MAPKAP1: variants seen among roughly 807,000 people sequenced by gnomAD.
MAPKAP1 encodes target of rapamycin complex 2 subunit MAPKAP1.
MAPKAP1 carries 20 observed loss-of-function variants against 65.7 expected under a neutral mutation model. The ratio of observed to expected loss-of-function variants is 0.30; its 90% CI spans 0.21 to 0.44. The LOEUF (loss-of-function observed/expected upper bound fraction) is 0.44. Ranked by LOEUF, MAPKAP1 falls within the 20% of genes least tolerant of loss-of-function variation. MAPKAP1 has a pLI of 1.00. For missense variants in MAPKAP1, 423 were observed against 648.0 expected, an observed-to-expected ratio of 0.65 and a Z score of 3.77; for synonymous variants, 222 against 244.3, an observed-to-expected ratio of 0.91 and a Z score of 0.85.
intron 4 of MAPKAP1, among the ~76,000 whole-genome samples, chr9:125,624,041 A>C (rs1412452224): frequency 4.1e-5 from 1 of 24,198 alleles, no homozygotes; most frequent in African/African-American, 7.8e-5. Flanking sequence ...TGGGGGGGTC[A>C]GCCCTCCCCC....
At chr9:125,559,860 A>T (rs1830842072) in intron 5 of MAPKAP1, 51 bp from the exon 6 acceptor site, 8 of 1,555,698 alleles carry the variant, frequency 5.1e-6, no homozygotes, top group Non-Finnish European at 6.1e-6. Flanking sequence ...GGAAGGGACA[A>T]GAAGACCAGA....
intron 5 of MAPKAP1, among the ~76,000 whole-genome samples, chr9:125,578,404 G>A (rs890709033): frequency 7.3e-5 from 11 of 150,338 alleles, no homozygotes; most frequent in South Asian, 2.1e-4. Flanking sequence ...CCCCCTCTGC[G>A]AGAAACACCC....
At chr9:125,609,469 CTTCT>C (rs1832536607) in intron 4 of MAPKAP1, among the ~76,000 whole-genome samples, 1 of 152,170 alleles carries the variant, frequency 6.6e-6, no homozygotes, top group Non-Finnish European at 1.5e-5. Context: ...ACCTGCCAAG[CTTCT>C]TTATTTATTT....
chr9:125,641,302 A>G (rs1833570597), intron 4 of MAPKAP1, among the ~76,000 whole-genome samples: 1 of 152,214 alleles, frequency 6.6e-6, no homozygotes, highest in Admixed American at 6.5e-5. Context: ...CAAGTAGTCA[A>G]TGGCTTTTCT....
At chr9:125,565,101 A>G (rs1449199651) in intron 5 of MAPKAP1, among the ~76,000 whole-genome samples, 1 of 152,222 alleles carries the variant, frequency 6.6e-6, no homozygotes, top group Non-Finnish European at 1.5e-5. Flanking sequence ...TATATGATAC[A>G]TAAATCATAT....
chr9:125,643,297 C>T (rs1282343752), intron 4 of MAPKAP1, among the ~76,000 whole-genome samples: 1 of 151,862 alleles, frequency 6.6e-6, no homozygotes. Context: ...TGGGTTCAAG[C>T]AATTCTCTTG....
intron 4 of MAPKAP1, chr9:125,596,674 G>A (rs1832135113): frequency 3.4e-6 from 2 of 584,360 alleles, no homozygotes; most frequent in Non-Finnish European, 6.5e-6. Flanking sequence ...AGCCAGAGAA[G>A]TGACAGCGAA....
intron 7 of MAPKAP1, among the ~76,000 whole-genome samples, chr9:125,510,966 T>G (rs529287204): frequency 1.3e-5 from 2 of 152,318 alleles, no homozygotes; most frequent in South Asian, 4.1e-4. Context: ...TGCCTTGGCC[T>G]AAGTCCTGGC....
chr9:125,634,707 G>C (rs371149661), intron 4 of MAPKAP1, among the ~76,000 whole-genome samples: 1 of 152,220 alleles, frequency 6.6e-6, no homozygotes, highest in Non-Finnish European at 1.5e-5. Flanking sequence ...TCCAGACAAT[G>C]CTTGATAAAG....
chr9:125,600,831 ATCAT>A (rs1226250624), intron 4 of MAPKAP1, among the ~76,000 whole-genome samples: 1 of 152,210 alleles, frequency 6.6e-6, no homozygotes, highest in African/African-American at 2.4e-5. Flanking sequence ...GATTCTGTAG[ATCAT>A]TAATGTTACA....
Position 125,608,925 on chromosome 9 carries a change from G to A in MAPKAP1, c.499-23198C>T, listed in dbSNP as rs934784505. Among the ~76,000 whole-genome samples the A allele has an allele frequency of 3.3e-5, 5 of 152,136 alleles. No individual in the cohort carries two copies. The South Asian group carries it at 6.2e-4, about 19-fold the overall frequency. ...CTGTCTTTGGGCATGCAAAAAAATA[G>A]AGAGCAAAAGGTTAGATGGAGGTGG... is the stretch of plus-strand genomic sequence containing the variant. On this transcript the variant is annotated intron_variant, in intron 4 of 11. Transcript: ENST00000265960.
At chr9:125,681,003 T>G (rs1000430206) in intron 1 of MAPKAP1, among the ~76,000 whole-genome samples, 1 of 152,214 alleles carries the variant, frequency 6.6e-6, no homozygotes, top group African/African-American at 2.4e-5. Context: ...CTAATCACTT[T>G]TCATGTAACA....
chr9:125,543,952 C>T (rs1201061937), intron 6 of MAPKAP1, among the ~76,000 whole-genome samples: 1 of 152,134 alleles, frequency 6.6e-6, no homozygotes, highest in Admixed American at 6.5e-5. Context: ...GCAGTAATAC[C>T]CCAAAGTAAT....
chr9:125,692,416 A>C (rs562714593), intron 1 of MAPKAP1, among the ~76,000 whole-genome samples: 20 of 152,350 alleles, frequency 1.3e-4, no homozygotes, highest in African/African-American at 4.6e-4. Flanking sequence ...CAAACTGTCA[A>C]TTCTTTGTAT....
At chr9:125,699,159 T>A (rs1835521812) in intron 1 of MAPKAP1, among the ~76,000 whole-genome samples, 1 of 152,200 alleles carries the variant, frequency 6.6e-6, no homozygotes. Context: ...GCAATTCACT[T>A]ATATTTCATA....
chr9:125,701,542 T>G (rs1301774414), intron 1 of MAPKAP1, among the ~76,000 whole-genome samples: 1 of 152,218 alleles, frequency 6.6e-6, no homozygotes, highest in Admixed American at 6.5e-5. Flanking sequence ...ATCCGCATAT[T>G]CAGGATGCAA....
Position 125,447,447 on chromosome 9 carries a change from C to T in MAPKAP1, c.1346-2849G>A, listed in dbSNP as rs761204881. 24 of 456,534 alleles carry T rather than the reference C, an allele frequency of 5.3e-5. 2 individuals carry two copies. The highest frequency in any genetic ancestry group is 3.4e-4 in the South Asian group (22 of 64,572). 28.3% of individuals were successfully genotyped at this position (456,534 alleles called of 1,614,324 possible). Reference sequence around the variant, plus strand: ...AGGCACGGTGGACAGCCACAGCAGACAGCCCCCTCTTGCTCTCTGCAAGGA... The same window carrying T: ...AGGCACGGTGGACAGCCACAGCAGATAGCCCCCTCTTGCTCTCTGCAAGGA... On this transcript the variant is annotated intron_variant, in intron 10 of 11. Coordinates refer to ENST00000265960, the MANE Select transcript of MAPKAP1 (RefSeq NM_001006617.3). This position sits in a 1 kb window ranked among gnomAD's most constrained non-coding sequence, Gnocchi z 4.5.
Position 125,680,397 on chromosome 9 carries a change from C to CAATTATTAAAATAAAATAAAATT in MAPKAP1, c.-69-7755_-69-7754insAATTTTATTTTATTTTAATAATT, listed in dbSNP as rs1834788086. ...GGAATTCGAAAATAATTGAAGTGAC[C>CAATTATTAAAATAAAATAAAATT]ATTAAAATAAAACACTTTATTGCTT... On this transcript the variant is annotated intron_variant, in intron 1 of 11. Transcript: ENST00000265960. Among the ~76,000 whole-genome samples, 18 of 152,146 alleles carry CAATTATTAAAATAAAATAAAATT rather than the reference C, an allele frequency of 1.2e-4. No individual in the cohort carries two copies. In the East Asian group the frequency reaches 3.5e-3, roughly 29 times the overall value.
chr9:125,674,099 C>T (rs1450450314), intron 1 of MAPKAP1, among the ~76,000 whole-genome samples: 6 of 152,080 alleles, frequency 3.9e-5, no homozygotes, highest in Non-Finnish European at 7.4e-5. Context: ...AGGGTTCAAA[C>T]CCTGGCCCTA....
Sources: allele counts gnomAD v4.1 joint callset (sites outside exome capture counted in the v4.1 genomes callset), GRCh38; gene constraint gnomAD v4.1.1; non-coding constraint Gnocchi (gnomAD v3.1); transcripts MANE v1.5; gene names NCBI Gene and HGNC (gene_info 2026-07-23, HGNC 2026-07-21).